CPSF6: variants seen among roughly 807,000 people sequenced by gnomAD.
The protein encoded by CPSF6 is cleavage and polyadenylation specific factor 6, also known as cleavage and polyadenylation specificity factor subunit 6.
In CPSF6, 10 loss-of-function variants were observed where a neutral mutation model predicts 56.7. That is an observed-to-expected ratio of 0.18 (90% CI 0.11 to 0.30). The LOEUF is 0.30. Among genes scored for constraint, CPSF6 ranks in the 10% least tolerant of loss-of-function variants. The pLI is 1.00. For synonymous variants in CPSF6, 248 were observed against 244.8 expected (o/e 1.01, Z -0.12); for missense variants, 419 against 722.9 (o/e 0.58, Z 4.82).
At chr12:69,248,498 G>T (rs1872031891) in intron 1 of CPSF6, among the ~76,000 whole-genome samples, 1 of 152,160 alleles carries the variant, frequency 6.6e-6, no homozygotes, top group Non-Finnish European at 1.5e-5. Context: ...TAAGTGCATG[G>T]AACTACTGCT....
chr12:69,270,073 A>G lies in CPSF6; in HGVS notation c.*565A>G, dbSNP rs191815478. ...TAAAGCATTGCAATAGCGTTTTTGG[A>G]TATGCCTCAATCTAATCTTGCGTTC... On this transcript the variant is annotated 3_prime_UTR_variant, in exon 10 of 10. Coordinates refer to ENST00000435070, the MANE Select transcript of CPSF6 (RefSeq NM_007007.3). The G allele has an allele frequency of 0.013, 2,001 of 152,258 alleles. 24 individuals are homozygous for G. The highest frequency in any genetic ancestry group is 0.031 in the Middle Eastern group (9 of 292). The allele number at this position is 152,258 out of a possible 1,614,324, so 9.4% of individuals were successfully genotyped here.
At chr12:69,245,096 TAAA>T (rs11317829) in intron 1 of CPSF6, among the ~76,000 whole-genome samples, 177 of 138,036 alleles carry the variant, frequency 1.3e-3, no homozygotes, top group East Asian at 4.0e-3. Context: ...CGTCTCTATT[TAAA>T]AAAAAAAAAA....
chr12:69,257,564 A>G (rs1872563596), intron 4 of CPSF6, among the ~76,000 whole-genome samples, 168 bp from the exon 5 acceptor site: 1 of 152,262 alleles, frequency 6.6e-6, no homozygotes, highest in Non-Finnish European at 1.5e-5. Context: ...AAAAGTACCC[A>G]AATAGATGTG....
intron 3 of CPSF6, among the ~76,000 whole-genome samples, chr12:69,255,324 G>A (rs920050311): frequency 2.0e-5 from 3 of 152,106 alleles, no homozygotes; most frequent in African/African-American, 7.2e-5. Context: ...GGCTATTAAG[G>A]AAAATGCCCC....
chr12:69,239,983 C>G (rs1871519611), intron 1 of CPSF6, among the ~76,000 whole-genome samples: 2 of 151,198 alleles, frequency 1.3e-5, no homozygotes, highest in South Asian at 2.1e-4. Flanking sequence ...GGCGCTGCCT[C>G]GCTCCCTATT....
In CPSF6 at chr12:69,258,656, C is replaced by T; in HGVS notation, c.761C>T (p.Pro254Leu). 1.9e-6 allele frequency: 3 copies of T among 1,614,090 alleles called. No homozygotes were observed. Among genetic ancestry groups the T allele is most frequent in the Non-Finnish European group, 2.5e-6 (3 of 1,179,984 alleles). Residue 254 changes from proline (P) to leucine (L), a missense_variant, in exon 6 of 10, where the codon CCT (proline) becomes CTT (leucine). Pro to Leu is a moderately conservative substitution (Grantham distance 98). This residue lies in a region of CPSF6 where 211 missense variants were observed against 296.0 expected (regional missense o/e 0.71). Coordinates refer to ENST00000435070, the MANE Select transcript of CPSF6 (RefSeq NM_007007.3). The surrounding 1 kb of genome is among the most constrained non-coding windows in gnomAD (Gnocchi z 4.2). Reference protein sequence around the residue: ...PGPPGPPGPPPPGQVLPPPLA... With the variant: ...PGPPGPPGPPLPGQVLPPPLA... ...CCACCTGGTCCACCAGGTCCTCCAC[C>T]TCCTGGTCAGGTTCTGCCTCCTCCT... is the stretch of plus-strand genomic sequence containing the variant.
chr12:69,250,080 T>G lies in CPSF6; in HGVS notation c.61-1049T>G, dbSNP rs1252652236. Reference sequence around the variant, plus strand: ...TGGATTGTTCTACATGTATTTCGTTTATTTCTCTTTACCTTGTTCATTTAT... The same window carrying G: ...TGGATTGTTCTACATGTATTTCGTTGATTTCTCTTTACCTTGTTCATTTAT... On this transcript the variant is annotated intron_variant, in intron 1 of 9. Transcript: ENST00000435070. Among the ~76,000 whole-genome samples the G allele has an allele frequency of 2.6e-5, 4 of 152,112 alleles. No homozygotes were observed. In the South Asian group the frequency reaches 8.3e-4, roughly 31 times the overall value.
At chr12:69,257,359 G>A (rs2120556641) in intron 4 of CPSF6, among the ~76,000 whole-genome samples, 1 of 152,288 alleles carries the variant, frequency 6.6e-6, no homozygotes, top group East Asian at 1.9e-4. Flanking sequence ...AATTCAAGTG[G>A]TTCCTTTTCT....
intron 1 of CPSF6, among the ~76,000 whole-genome samples, chr12:69,248,594 A>T (rs1473010894): frequency 6.6e-6 from 1 of 152,224 alleles, no homozygotes; most frequent in African/African-American, 2.4e-5. Flanking sequence ...TGGTCATTGC[A>T]ATTTGAGCAT....
chr12:69,242,393 A>G (rs925788431), intron 1 of CPSF6, among the ~76,000 whole-genome samples: 3 of 152,218 alleles, frequency 2.0e-5, no homozygotes, highest in African/African-American at 7.2e-5. Flanking sequence ...TATTTCAAAA[A>G]GTGATTTGCA....
chr12:69,242,302 T>C (rs187421270), intron 1 of CPSF6, among the ~76,000 whole-genome samples: 2 of 152,368 alleles, frequency 1.3e-5, no homozygotes, highest in East Asian at 3.9e-4. Context: ...TCTACTATTT[T>C]TTGTCTGTAT....
chr12:69,261,845 T>C (rs758985861), intron 8 of CPSF6, among the ~76,000 whole-genome samples: 10 of 152,196 alleles, frequency 6.6e-5, no homozygotes, highest in Non-Finnish European at 1.2e-4. Flanking sequence ...TGGTCATAAT[T>C]GTTAGCCCTC....
chr12:69,272,334 A>C lies in CPSF6; in HGVS notation c.*2826A>C, dbSNP rs1183775827. ...TTTTCATTTAATTCTCCTGTGGAGAATATTGCTTTATTTTTTACTAGTTTC... is the reference window on the plus strand; with the variant it reads ...TTTTCATTTAATTCTCCTGTGGAGACTATTGCTTTATTTTTTACTAGTTTC... On this transcript the variant is annotated 3_prime_UTR_variant, in exon 10 of 10. Transcript: ENST00000435070. 6.6e-6 allele frequency: 1 copy of C among 151,666 alleles called. No individual in the cohort carries two copies. Among genetic ancestry groups the C allele is most frequent in the Non-Finnish European group, 1.5e-5 (1 of 67,618 alleles). The allele number at this position is 151,666 out of a possible 1,614,324, so 9.4% of individuals were successfully genotyped here. A position where few individuals can be genotyped will look rare whatever the true frequency, so the allele number is the denominator to read the frequency against.
intron 1 of CPSF6, among the ~76,000 whole-genome samples, chr12:69,243,450 A>G (rs1008795557): frequency 2.6e-5 from 4 of 152,226 alleles, no homozygotes; most frequent in Non-Finnish European, 4.4e-5. Context: ...GTGCTTTTGC[A>G]TTTCAAACCT....
rs1330474639 is a variant in CPSF6 at position 69,239,750 on chromosome 12, G to A, written c.60+44G>A. 4 of 1,546,724 alleles carry A rather than the reference G, an allele frequency of 2.6e-6. No homozygotes were observed. In the Admixed American group the frequency reaches 7.6e-5, roughly 29 times the overall value. On this transcript the variant is annotated intron_variant, in intron 1 of 9. Coordinates refer to ENST00000435070, the MANE Select transcript of CPSF6 (RefSeq NM_007007.3). Reference sequence around the variant, plus strand: ...CCCCGCCGCCGACGCGGGCGGCGCTGCGGCCGGGAAGCTGACCCGGGGCCC... The same window carrying A: ...CCCCGCCGCCGACGCGGGCGGCGCTACGGCCGGGAAGCTGACCCGGGGCCC...
At chr12:69,246,177 G>T (rs894452795) in intron 1 of CPSF6, among the ~76,000 whole-genome samples, 1 of 152,140 alleles carries the variant, frequency 6.6e-6, no homozygotes, top group African/African-American at 2.4e-5. Context: ...TACGGACCTG[G>T]ACATCCGATA....
chr12:69,259,051 C>T lies in CPSF6; in HGVS notation c.1156C>T (p.Arg386Ter). 1.2e-6 allele frequency: 2 copies of T among 1,604,446 alleles called. No individual in the cohort carries two copies. The highest frequency in any genetic ancestry group is 8.5e-7 in the Non-Finnish European group (1 of 1,179,886). ...TCCACCACCAACAGATCCATATGGG[C>T]GACCTCCACCATATGATAGGGGTGA... ...RGPPPTDPYG[R>*]PPPYDRGDYG... Residue 386 changes from arginine (R) to a stop codon, truncating the protein, a stop_gained, in exon 6 of 10, where the codon CGA becomes TGA. Coordinates refer to ENST00000435070, the MANE Select transcript of CPSF6 (RefSeq NM_007007.3). LOFTEE classifies it high-confidence loss of function.
chr12:69,262,697 T>C, intron 9 of CPSF6, 135 bp downstream of exon 9: 1 of 1,127,268 alleles, frequency 8.9e-7, no homozygotes, highest in Non-Finnish European at 1.2e-6. Flanking sequence ...TCTGGAAACA[T>C]CTGAAACAAA....
rs1872780796 is a variant in CPSF6 at position 69,262,406 on chromosome 12, A to G, written c.1503A>G (p.Arg501=). 1.1e-5 allele frequency: 17 copies of G among 1,611,514 alleles called. No individual in the cohort carries two copies. Among genetic ancestry groups the G allele is most frequent in the Non-Finnish European group, 1.4e-5 (17 of 1,178,148 alleles). The part of the protein sequence containing the change: ...RERSRERDHS[R]SREKSRRHKS... ...GATCAAGAGAGAGGGACCATAGTAG[A>G]TCACGAGAAAAGAGTCGACGTCATA... The change falls in exon 9 of 10, where the codon AGA becomes AGG. Residue 501 remains arginine (R), a synonymous_variant. Coordinates refer to ENST00000435070, the MANE Select transcript of CPSF6 (RefSeq NM_007007.3).
Sources: gnomAD v4.1 joint callset for allele counts (sites outside exome capture counted in the v4.1 genomes callset) on GRCh38, gnomAD v4.1.1 for gene constraint, gnomAD v4.1.1 regional missense constraint, Gnocchi (gnomAD v3.1) non-coding constraint, MANE v1.5 for transcripts, NCBI Gene and HGNC (gene_info 2026-07-23, HGNC 2026-07-21) for gene names.